GALNT18: variants seen among roughly 807,000 people sequenced by gnomAD.
The protein encoded by GALNT18 is GalNAc-transferase 18.
A neutral mutation model predicts 69.5 loss-of-function variants in GALNT18; 44 were observed. The ratio of observed to expected loss-of-function variants is 0.63; its 90% CI spans 0.50 to 0.81. GALNT18 has a LOEUF of 0.81. GALNT18 is among the 40% of genes least tolerant of loss of function. GALNT18 has a pLI of 0.00. For missense variants in GALNT18, 715 were observed against 810.0 expected (o/e 0.88, Z 1.42); for synonymous variants, 364 against 318.2 (o/e 1.14, Z -1.53).
chr11:11,358,826 AACACACACACACACAC>A (rs10644506), intron 6 of GALNT18, among the ~76,000 whole-genome samples: 1 of 110,822 alleles, frequency 9.0e-6, no homozygotes, highest in Non-Finnish European at 2.0e-5. Context: ...ATCCACACAA[AACACACACACACACAC>A]ACACACACAC....
At chr11:11,279,658 T>TTATTC (rs755655876) in intron 10 of GALNT18, among the ~76,000 whole-genome samples, 1 of 152,002 alleles carries the variant, frequency 6.6e-6, no homozygotes, top group African/African-American at 2.4e-5. Flanking sequence ...CAAACAAACA[T>TTATTC]TATTCTATTT....
intron 10 of GALNT18, among the ~76,000 whole-genome samples, chr11:11,274,800 G>A (rs1412668302): frequency 1.3e-5 from 2 of 152,200 alleles, no homozygotes; most frequent in African/African-American, 2.4e-5. Flanking sequence ...AACACGTGGT[G>A]TTTGGTTTTC....
In GALNT18 at chr11:11,592,052, G is replaced by A. The variant is rs1175273534; in HGVS notation, c.235+29307C>T. ...GTTTGTTGCTGTGAAGATAAAGTGA[G>A]ATAATTTGTGCATAGCATTTAGCAT... On this transcript the variant is annotated intron_variant, in intron 1 of 10. Transcript: ENST00000227756. The surrounding 1 kb of genome is among the most constrained non-coding windows in gnomAD (Gnocchi z 5.9). 1.3e-5 allele frequency among the ~76,000 whole-genome samples: 2 copies of A among 152,168 alleles called. No individual in the cohort carries two copies. The highest frequency in any genetic ancestry group is 4.8e-5 in the African/African-American group (2 of 41,440).
chr11:11,354,027 G>A (rs7937567), intron 6 of GALNT18, among the ~76,000 whole-genome samples: 85,656 of 152,026 alleles, frequency 0.56, 24,966 homozygotes, highest in African/African-American at 0.61. Flanking sequence ...ACATTCTCTC[G>A]CTCAGAAATG....
At chr11:11,292,452 A>G (rs548295219) in intron 10 of GALNT18, among the ~76,000 whole-genome samples, 5 of 152,282 alleles carry the variant, frequency 3.3e-5, no homozygotes, top group African/African-American at 1.2e-4. Context: ...TCCCACGGTC[A>G]CTAGTGTGAG....
intron 6 of GALNT18, among the ~76,000 whole-genome samples, chr11:11,366,382 T>C (rs1411375800): frequency 6.6e-6 from 1 of 152,238 alleles, no homozygotes; most frequent in Non-Finnish European, 1.5e-5. Context: ...TATTTTTATG[T>C]ACATATGCAT....
intron 9 of GALNT18, among the ~76,000 whole-genome samples, chr11:11,323,746 C>T (rs1277116178): frequency 1.3e-5 from 2 of 152,258 alleles, no homozygotes; most frequent in East Asian, 3.8e-4. Context: ...TTCTATCCCA[C>T]TTTCTCTGTC....
chr11:11,317,569 A>G (rs1038667404), intron 9 of GALNT18, among the ~76,000 whole-genome samples: 3 of 152,022 alleles, frequency 2.0e-5, no homozygotes, highest in Admixed American at 2.0e-4. Context: ...TCCTTTGCCC[A>G]TTCTTAATGG....
chr11:11,508,584 T>C (rs1857112568), intron 1 of GALNT18, among the ~76,000 whole-genome samples: 1 of 152,230 alleles, frequency 6.6e-6, no homozygotes, highest in Admixed American at 6.5e-5. Context: ...CAAATTGTTG[T>C]TGTTTTTTAG....
chr11:11,482,425 TG>T (rs1201998025), intron 1 of GALNT18, among the ~76,000 whole-genome samples: 5 of 152,202 alleles, frequency 3.3e-5, no homozygotes, highest in Admixed American at 6.5e-5. Flanking sequence ...TCTGGGCAGA[TG>T]GGTCAGCTTG....
chr11:11,280,254 C>T (rs1439650344), intron 10 of GALNT18, among the ~76,000 whole-genome samples: 1 of 152,168 alleles, frequency 6.6e-6, no homozygotes, highest in Non-Finnish European at 1.5e-5. Context: ...CAGGGAGAAA[C>T]CTGCAGGCTC....
intron 1 of GALNT18, among the ~76,000 whole-genome samples, chr11:11,607,192 A>T (rs900581848): frequency 3.3e-5 from 5 of 152,246 alleles, no homozygotes; most frequent in Non-Finnish European, 5.9e-5. Context: ...ACTCGAAAAT[A>T]CTTATGCCTA....
At position 11,383,864 on chromosome 11, in the gene GALNT18, G is replaced by C. The variant is rs1431259577; in HGVS notation, c.596-4600C>G. 6.6e-6 allele frequency among the ~76,000 whole-genome samples: 1 copy of C among 150,894 alleles called. No homozygotes were observed. The highest frequency in any genetic ancestry group is 1.9e-4 in the East Asian group (1 of 5,150). ...CTGTCTCTCTCTCCCTCTCTCTCCT[G>C]CCACCTTGTGAAGAAGGTGACTGTT... On this transcript the variant is annotated intron_variant, in intron 3 of 10. Coordinates refer to ENST00000227756, the MANE Select transcript of GALNT18 (RefSeq NM_198516.3). This position sits in a 1 kb window ranked among gnomAD's most constrained non-coding sequence, Gnocchi z 5.2.
intron 9 of GALNT18, among the ~76,000 whole-genome samples, chr11:11,322,105 C>T (rs1024240957): frequency 2.0e-5 from 3 of 152,172 alleles, no homozygotes; most frequent in Non-Finnish European, 4.4e-5. Flanking sequence ...TTACTACATA[C>T]CAGGTATGGT....
intron 1 of GALNT18, among the ~76,000 whole-genome samples, chr11:11,552,480 C>G (rs1590092421): frequency 6.6e-6 from 1 of 152,234 alleles, no homozygotes; most frequent in East Asian, 1.9e-4. Flanking sequence ...ACAGTTGTGA[C>G]AACTGGCTAT....
At chr11:11,410,034 C>A (rs553676232) in intron 3 of GALNT18, among the ~76,000 whole-genome samples, 1 of 152,014 alleles carries the variant, frequency 6.6e-6, no homozygotes, top group Non-Finnish European at 1.5e-5. Context: ...GGGCACCCTC[C>A]GCCTCTCCCC....
At chr11:11,495,014 A>T (rs1419759199) in intron 1 of GALNT18, among the ~76,000 whole-genome samples, 2 of 151,880 alleles carry the variant, frequency 1.3e-5, no homozygotes, top group Non-Finnish European at 2.9e-5. Flanking sequence ...TGCCTAGGGA[A>T]GGGGAAGGTT....
At chr11:11,278,701 GA>G (rs1334984740) in intron 10 of GALNT18, among the ~76,000 whole-genome samples, 2 of 152,208 alleles carry the variant, frequency 1.3e-5, no homozygotes, top group African/African-American at 4.8e-5. Context: ...CAGAGGCTAA[GA>G]AAGGTAGTAG....
At chr11:11,448,617 G>T in intron 2 of GALNT18, 127 bp downstream of exon 2, 1 of 684,130 alleles carries the variant, frequency 1.5e-6, no homozygotes, top group Non-Finnish European at 2.3e-6. Flanking sequence ...CGAGGGGACA[G>T]GCCCTGGCTG....
Sources: gnomAD v4.1 joint callset for allele counts (sites outside exome capture counted in the v4.1 genomes callset) on GRCh38, gnomAD v4.1.1 for gene constraint, Gnocchi (gnomAD v3.1) non-coding constraint, MANE v1.5 for transcripts, NCBI Gene and HGNC (gene_info 2026-07-23, HGNC 2026-07-21) for gene names.